Variants in A2ML1 observed in about 807,000 individuals in gnomAD.
The protein encoded by A2ML1 is alpha-2-macroglobulin like 1, also known as alpha-2-macroglobulin-like protein 1.
A2ML1 carries 161 observed loss-of-function variants against 181.9 expected under a neutral mutation model. The observed-to-expected ratio is 0.89, with a 90% CI of 0.78 to 1.01. The LOEUF (loss-of-function observed/expected upper bound fraction) is 1.01, where lower values mean the gene tolerates loss of function less well. A2ML1 is among the 50% of genes least tolerant of loss of function. A2ML1 has a pLI of 0.00. For missense variants in A2ML1, 1,670 were observed against 1,768.1 expected (o/e 0.94, Z 1.00); for synonymous variants, 663 against 666.8 (o/e 0.99, Z 0.09).
intron 4 of A2ML1, among the ~76,000 whole-genome samples, chr12:8,831,669 C>G (rs144176703): frequency 6.6e-6 from 1 of 152,134 alleles, no homozygotes; most frequent in African/African-American, 2.4e-5. Flanking sequence ...CACCCAGAGC[C>G]GGCTGTGTGG....
intron 28 of A2ML1, among the ~76,000 whole-genome samples, chr12:8,862,944 T>C (rs1944315513): frequency 1.3e-5 from 2 of 152,202 alleles, no homozygotes; most frequent in African/African-American, 4.8e-5. Context: ...AGTTATCCAT[T>C]ATCTGTCATC....
rs758076462 is a variant in A2ML1 at position 8,847,639 on chromosome 12, CG to C, written c.1777del (p.Ala593ArgfsTer15). 118 of 1,613,586 alleles carry C rather than the reference CG, an allele frequency of 7.3e-5. No individual in the cohort carries two copies. The highest frequency in any genetic ancestry group is 6.3e-5 in the Non-Finnish European group (74 of 1,179,866). The stretch of plus-strand genomic sequence containing the variant: ...AGCTCCCGGATCCCTGTGTGCGCTC[CG>C]GGCGGTGGATGAGAGTGTCTTACTG... ...QAAPGSLCAL[R>X]AVDESVLLLR... On this transcript the variant is annotated frameshift_variant, in exon 15 of 36. Transcript: ENST00000299698. LOFTEE classifies it high-confidence loss of function.
At chr12:8,875,057 A>G in intron 35 of A2ML1, 45 bp downstream of exon 35, 4 of 1,582,162 alleles carry the variant, frequency 2.5e-6, no homozygotes, top group Non-Finnish European at 3.5e-6. Context: ...TTAGGGTGGC[A>G]GAAGTTAAGA....
chr12:8,854,182 G>A lies in A2ML1; in HGVS notation c.2645G>A (p.Gly882Glu), dbSNP rs775056296. Residue 882 changes from glycine to glutamate, a missense_variant, in exon 21 of 36, where the codon GGG becomes GAG. Gly to Glu is a moderately conservative substitution (Grantham distance 98). Transcript: ENST00000299698. ...ATTCTGGACAGCAATGAACCATGTG[G>A]GGGCCAGAAGGGGTTTGTTCCCCAA... Reference protein sequence around the residue: ...TKILDSNEPCGGQKGFVPQKG... With the variant: ...TKILDSNEPCEGQKGFVPQKG... The A allele has an allele frequency of 1.4e-5, 23 of 1,608,256 alleles. No homozygotes were observed. In the South Asian group the frequency reaches 2.5e-4, roughly 17 times the overall value.
Position 8,858,030 on chromosome 12 carries a change from G to C in A2ML1, c.3192G>C (p.Lys1064Asn). The change falls in exon 26 of 36, where the codon AAG (lysine) becomes AAC (asparagine). Residue 1064 changes from lysine (K) to asparagine (N), a missense_variant. Transcript: ENST00000299698. ...CCAAGAACATCCAGGATGCTCTCAA[G>C]TGGATGGCAGGAAACCAGCTCCCCA... ...IDPKNIQDALKWMAGNQLPSG... is the reference protein window; with the variant it reads ...IDPKNIQDALNWMAGNQLPSG... The C allele has an allele frequency of 6.2e-7, 1 of 1,614,148 alleles. No individual in the cohort carries two copies. Among genetic ancestry groups the C allele is most frequent in the Middle Eastern group, 1.6e-4 (1 of 6,062 alleles).
intron 7 of A2ML1, among the ~76,000 whole-genome samples, chr12:8,837,167 GA>G (rs1943308353): frequency 6.6e-6 from 1 of 152,056 alleles, no homozygotes; most frequent in Admixed American, 6.6e-5. Context: ...TTACAGGTGT[GA>G]GCCACCATGC....
chr12:8,886,052 T>TTTATTATA (rs1228170760), intron 7 of A2ML1, among the ~76,000 whole-genome samples: 1 of 122,478 alleles, frequency 8.2e-6, no homozygotes, highest in African/African-American at 3.1e-5. Context: ...ACACTATAGT[T>TTTATTATA]TTATTATAGT....
chr12:8,869,127 T>C lies in A2ML1; in HGVS notation c.4153-8T>C. The stretch of plus-strand genomic sequence containing the variant: ...TTAGTATCTTTTTTTTCTCCCTCTC[T>C]TATTCAGCTTCTCCAGCAACCCCTG... On this transcript the variant is annotated splice_region_variant and splice_polypyrimidine_tract_variant and intron_variant, in intron 32 of 35. Coordinates refer to ENST00000299698, the MANE Select transcript of A2ML1 (RefSeq NM_144670.6). 1.9e-6 allele frequency: 3 copies of C among 1,614,032 alleles called. No individual in the cohort carries two copies. Among genetic ancestry groups the C allele is most frequent in the Non-Finnish European group, 2.5e-6 (3 of 1,179,946 alleles).
Position 8,858,017 on chromosome 12 carries a change from A to G in A2ML1, c.3179A>G (p.Gln1060Arg). 6.2e-7 allele frequency: 1 copy of G among 1,614,200 alleles called. No individual in the cohort carries two copies. The highest frequency in any genetic ancestry group is 8.5e-7 in the Non-Finnish European group (1 of 1,180,040). Residue 1060 changes from glutamine to arginine, a missense_variant, in exon 26 of 36, where the codon CAG (glutamine) becomes CGG (arginine). Physicochemically the swap from Gln to Arg is conservative, Grantham distance 43 (BLOSUM62 1). Transcript: ENST00000299698. ...KFIFIDPKNI[Q>R]DALKWMAGNQ... ...ATCTTCATTGATCCCAAGAACATCC[A>G]GGATGCTCTCAAGTGGATGGCAGGA...
chr12:8,838,496 G>T, intron 9 of A2ML1, 46 bp downstream of exon 9: 1 of 1,493,418 alleles, frequency 6.7e-7, no homozygotes, highest in Middle Eastern at 1.7e-4. Flanking sequence ...GAAAGAAAAA[G>T]GGCTGGTCCC....
At chr12:8,860,357 C>G (rs1296822930) in intron 26 of A2ML1, among the ~76,000 whole-genome samples, 1 of 152,122 alleles carries the variant, frequency 6.6e-6, no homozygotes, top group African/African-American at 2.4e-5. Flanking sequence ...GCTATTTAAT[C>G]TTGTTAAGTG....
chr12:8,870,163 A>T (rs1312647983), intron 33 of A2ML1, among the ~76,000 whole-genome samples: 1 of 152,164 alleles, frequency 6.6e-6, no homozygotes, highest in Non-Finnish European at 1.5e-5. Context: ...TGTTAGTAAC[A>T]TCCATTTCCA....
At chr12:8,835,301 G>A (rs1421446710) in intron 5 of A2ML1, among the ~76,000 whole-genome samples, 1 of 152,150 alleles carries the variant, frequency 6.6e-6, no homozygotes, top group Non-Finnish European at 1.5e-5. Flanking sequence ...ACCAAATGGG[G>A]GCTGGATCTA....
chr12:8,845,197 T>A, intron 12 of A2ML1: 1 of 1,535,296 alleles, frequency 6.5e-7, no homozygotes, highest in Non-Finnish European at 8.7e-7. Context: ...TTCTATGCTG[T>A]CAGACTCCTC....
Position 8,851,842 on chromosome 12 carries a change from G to A in A2ML1, c.2293G>A (p.Ala765Thr). The A allele has an allele frequency of 6.2e-7, 1 of 1,614,178 alleles. No homozygotes were observed. The highest frequency in any genetic ancestry group is 8.5e-7 in the Non-Finnish European group (1 of 1,180,032). ...TVPDAITEWK[A>T]MSFCTSQSRG... ...TCCTGACGCCATCACCGAGTGGAAG[G>A]CGATGAGTTTCTGCACTTCCCAGTC... The change falls in exon 19 of 36, where the codon GCG (alanine) becomes ACG (threonine). Residue 765 changes from alanine (A) to threonine (T), a missense_variant. By Grantham distance (58) the Ala-to-Thr change is moderately conservative. Coordinates refer to ENST00000299698, the MANE Select transcript of A2ML1 (RefSeq NM_144670.6).
Position 8,838,317 on chromosome 12 carries a change from T to C in A2ML1, c.856-19T>C, listed in dbSNP as rs117140170. 35 of 1,573,724 alleles carry C rather than the reference T, an allele frequency of 2.2e-5. No individual in the cohort carries two copies. The East Asian group carries it at 7.4e-4, about 33-fold the overall frequency. ...ATTCCTCATCTGCTCTCTATCTCTG[T>C]CTCTGATCACCTCACTAGACTGACA... On this transcript the variant is annotated intron_variant, in intron 8 of 35. Transcript: ENST00000299698.
At chr12:8,863,091 TA>T (rs1944320133) in intron 28 of A2ML1, among the ~76,000 whole-genome samples, 1 of 121,324 alleles carries the variant, frequency 8.2e-6, no homozygotes, top group Non-Finnish European at 1.7e-5. Flanking sequence ...TTATTCTACT[TA>T]AAATGTTAAA....
At position 8,852,431 on chromosome 12, in the gene A2ML1, T is replaced by G. The variant is rs1943925811; in HGVS notation, c.2590+95T>G. On this transcript the variant is annotated intron_variant, in intron 20 of 35. Transcript: ENST00000299698. This position sits in a 1 kb window ranked among gnomAD's most constrained non-coding sequence, Gnocchi z 4.2. Reference sequence around the variant, plus strand: ...TTTTCCTCTGCCACATCTGCTTTGCTTCCTCCTCCATTTTCCACTATTTTT... The same window carrying G: ...TTTTCCTCTGCCACATCTGCTTTGCGTCCTCCTCCATTTTCCACTATTTTT... 16 of 1,543,314 alleles carry G rather than the reference T, an allele frequency of 1.0e-5. No individual in the cohort carries two copies. The highest frequency in any genetic ancestry group is 1.3e-5 in the Non-Finnish European group (15 of 1,135,806).
chr12:8,868,178 A>G, intron 30 of A2ML1, 52 bp from the exon 31 acceptor site: 4 of 1,612,062 alleles, frequency 2.5e-6, no homozygotes, highest in South Asian at 2.2e-5. Context: ...GAACTGTACA[A>G]TCTTTAAAGT....
Sources: gnomAD v4.1 joint callset for allele counts (sites outside exome capture counted in the v4.1 genomes callset) on GRCh38, gnomAD v4.1.1 for gene constraint, Gnocchi (gnomAD v3.1) non-coding constraint, MANE v1.5 for transcripts, NCBI Gene and HGNC (gene_info 2026-07-23, HGNC 2026-07-21) for gene names.